TAB2: variants seen among roughly 807,000 people sequenced by gnomAD.
TAB2 encodes the protein TGF-beta-activated kinase 1 and MAP3K7-binding protein 2.
Under a neutral mutation model 65.0 loss-of-function variants are expected in TAB2, and 3 were observed. That is an observed-to-expected ratio of 0.05 (90% CI 0.02 to 0.12). TAB2 has a LOEUF of 0.12. TAB2 is among the 10% of genes least tolerant of loss of function. The pLI is 1.00. For synonymous variants in TAB2, 298 were observed against 285.1 expected, an observed-to-expected ratio of 1.05 and a Z score of -0.46; for missense variants, 623 against 840.3, an observed-to-expected ratio of 0.74 and a Z score of 3.20.
intron 1 of TAB2, among the ~76,000 whole-genome samples, chr6:149,327,658 T>C (rs1290615290): frequency 3.3e-5 from 5 of 152,180 alleles, no homozygotes; most frequent in African/African-American, 7.2e-5. Context: ...AATACAGATA[T>C]TTTATAATTT....
chr6:149,338,242 C>T (rs1045008467), intron 1 of TAB2, among the ~76,000 whole-genome samples: 9 of 152,160 alleles, frequency 5.9e-5, no homozygotes, highest in Non-Finnish European at 1.0e-4. Context: ...AACCTTACAT[C>T]GGTTCAACTC....
intron 1 of TAB2, among the ~76,000 whole-genome samples, chr6:149,305,164 T>C (rs1779040409): frequency 6.6e-6 from 1 of 152,236 alleles, no homozygotes; most frequent in South Asian, 2.1e-4. Context: ...TGTACTGCGG[T>C]CTTTCCAAGT....
intron 6 of TAB2, among the ~76,000 whole-genome samples, chr6:149,403,052 T>C (rs951692867): frequency 6.6e-6 from 1 of 151,390 alleles, no homozygotes; most frequent in Non-Finnish European, 1.5e-5. Flanking sequence ...CTGACCAACA[T>C]GGAGAAACCC....
chr6:149,369,416 A>G (rs925110660), intron 1 of TAB2, among the ~76,000 whole-genome samples: 1 of 152,222 alleles, frequency 6.6e-6, no homozygotes, highest in Non-Finnish European at 1.5e-5. Flanking sequence ...GAATGAATTG[A>G]TTGTGCATTT....
chr6:149,234,864 G>GAAAAA (rs386408903), intron 1 of TAB2, among the ~76,000 whole-genome samples: 8,254 of 94,846 alleles, frequency 0.087, 376 homozygotes, highest in African/African-American at 0.18. Flanking sequence ...TAGAGAGTGT[G>GAAAAA]AAAAAAAAAA....
upstream of TAB2, chr6:149,218,583 G>A: frequency 4.2e-6 from 1 of 240,654 alleles, no homozygotes; most frequent in Non-Finnish European, 8.9e-6. Flanking sequence ...GTGGGACAGG[G>A]TCAGGGTAGG....
intron 1 of TAB2, among the ~76,000 whole-genome samples, chr6:149,341,829 G>A (rs967441374): frequency 6.6e-6 from 1 of 151,990 alleles, no homozygotes; most frequent in Non-Finnish European, 1.5e-5. Context: ...GATAATTTGA[G>A]AGCAGCAGAA....
At chr6:149,282,894 G>T (rs943918957) in intron 1 of TAB2, among the ~76,000 whole-genome samples, 1 of 152,148 alleles carries the variant, frequency 6.6e-6, no homozygotes, top group African/African-American at 2.4e-5. Context: ...CCACTTAGGG[G>T]CATAATACAT....
chr6:149,398,168 C>T lies in TAB2; in HGVS notation c.1858+106C>T, dbSNP rs537050736. 1.1e-4 allele frequency: 104 copies of T among 981,094 alleles called. 2 individuals carry two copies. In the South Asian group the frequency reaches 1.3e-3, roughly 12 times the overall value. 60.8% of individuals were successfully genotyped at this position (981,094 alleles called of 1,614,324 possible). A position where few individuals can be genotyped will look rare whatever the true frequency, so the allele number is the denominator to read the frequency against. On this transcript the variant is annotated intron_variant, in intron 5 of 6. Transcript: ENST00000637181. The stretch of plus-strand genomic sequence containing the variant: ...CAATCATAATCTTACTGTCTCAGAA[C>T]ATGTGGCTTTGGAGCCAGACAGACT...
At chr6:149,276,850 G>C (rs1322816197) in intron 1 of TAB2, among the ~76,000 whole-genome samples, 1 of 152,082 alleles carries the variant, frequency 6.6e-6, no homozygotes, top group Non-Finnish European at 1.5e-5. Context: ...GATATGGTTT[G>C]GCTGTGTCCC....
At chr6:149,246,329 C>T (rs1390995857) in intron 1 of TAB2, 3 of 152,186 alleles carry the variant, frequency 2.0e-5, no homozygotes, top group East Asian at 3.8e-4. Context: ...AAATTGTGTT[C>T]AATAGGCTAC....
chr6:149,239,235 T>C (rs1777553377), intron 1 of TAB2, among the ~76,000 whole-genome samples: 1 of 152,248 alleles, frequency 6.6e-6, no homozygotes, highest in Admixed American at 6.5e-5. Context: ...GATCGCTTGA[T>C]AGACAAGCCC....
At chr6:149,281,476 G>T (rs1391845452) in intron 1 of TAB2, among the ~76,000 whole-genome samples, 2 of 142,552 alleles carry the variant, frequency 1.4e-5, no homozygotes, top group Non-Finnish European at 3.0e-5. Context: ...TGTAATCCCA[G>T]CTGAAGAGGC....
chr6:149,318,736 C>G (rs1373677325), intron 1 of TAB2: 1 of 152,316 alleles, frequency 6.6e-6, no homozygotes, highest in Non-Finnish European at 1.5e-5. Flanking sequence ...GTTGCTGATG[C>G]TGTGAGATGT....
chr6:149,324,448 A>C (rs1247912941), intron 1 of TAB2, among the ~76,000 whole-genome samples: 1 of 152,118 alleles, frequency 6.6e-6, no homozygotes, highest in Non-Finnish European at 1.5e-5. Context: ...TCTCACATTG[A>C]TATTAAGGAA....
rs773046932 is a variant in TAB2 at position 149,329,200 on chromosome 6, G to A, written c.-90+11185G>A. ...ATTCTAGAAAGATTCTCTTGTTGTAGTGCACAAAATACCTTAGAAAAGAGC... is the reference window on the plus strand; with the variant it reads ...ATTCTAGAAAGATTCTCTTGTTGTAATGCACAAAATACCTTAGAAAAGAGC... On this transcript the variant is annotated intron_variant, in intron 1 of 6. Coordinates refer to ENST00000637181, the MANE Select transcript of TAB2 (RefSeq NM_001292034.3). 2.6e-5 allele frequency among the ~76,000 whole-genome samples: 4 copies of A among 152,180 alleles called. No individual in the cohort carries two copies. The South Asian group carries it at 8.3e-4, about 31-fold the overall frequency.
At chr6:149,222,648 A>G (rs1339446609) in intron 1 of TAB2, among the ~76,000 whole-genome samples, 2 of 151,160 alleles carry the variant, frequency 1.3e-5, no homozygotes, top group African/African-American at 4.9e-5. Flanking sequence ...CTTTTTTTTC[A>G]TATCTCTATA....
intron 1 of TAB2, among the ~76,000 whole-genome samples, chr6:149,369,234 G>T (rs1037653186): frequency 6.6e-6 from 1 of 152,122 alleles, no homozygotes; most frequent in East Asian, 1.9e-4. Flanking sequence ...AATAAGGTGG[G>T]TAGTTTTCAA....
At chr6:149,300,947 C>A (rs1331235721) in intron 1 of TAB2, among the ~76,000 whole-genome samples, 1 of 152,194 alleles carries the variant, frequency 6.6e-6, no homozygotes, top group Non-Finnish European at 1.5e-5. Context: ...AACCTATATG[C>A]AAATTGAAAT....
Sources: gnomAD v4.1 joint callset for allele counts (sites outside exome capture counted in the v4.1 genomes callset) on GRCh38, gnomAD v4.1.1 for gene constraint, MANE v1.5 for transcripts, NCBI Gene and HGNC (gene_info 2026-07-23, HGNC 2026-07-21) for gene names.